FGFRL1: variants seen among roughly 807,000 people sequenced by gnomAD.
FGFRL1 encodes the protein fibroblast growth factor receptor-like 1.
In FGFRL1, 24 loss-of-function variants were observed where a neutral mutation model predicts 36.8. The observed-to-expected ratio is 0.65, with a 90% CI of 0.47 to 0.92. The LOEUF (loss-of-function observed/expected upper bound fraction) is 0.92. Among genes scored for constraint, FGFRL1 ranks in the 40% least tolerant of loss-of-function variants. The pLI is 0.00. For synonymous variants in FGFRL1, 422 were observed against 344.1 expected, an observed-to-expected ratio of 1.23 and a Z score of -2.50; for missense variants, 785 against 753.4, an observed-to-expected ratio of 1.04 and a Z score of -0.49.
In FGFRL1 at chr4:1,025,445, C is replaced by G; in HGVS notation, c.*98C>G. On this transcript the variant is annotated 3_prime_UTR_variant, in exon 7 of 7. Transcript: ENST00000510644. The stretch of plus-strand genomic sequence containing the variant: ...GCAGACGAAGGCAGGGGACCCATGG[C>G]GAGGAGGAATGGCCAGCACCCCAGG... The G allele has an allele frequency of 2.8e-6, 4 of 1,434,072 alleles. No individual in the cohort carries two copies. The highest frequency in any genetic ancestry group is 1.4e-5 in the South Asian group (1 of 71,004). 88.8% of individuals were successfully genotyped at this position (1,434,072 alleles called of 1,614,324 possible).
chr4:1,020,166 G>A (rs750260081), intron 2 of FGFRL1, among the ~76,000 whole-genome samples: 1 of 152,236 alleles, frequency 6.6e-6, no homozygotes, highest in African/African-American at 2.4e-5. Flanking sequence ...TGTTAACTGT[G>A]TATTGGAGGA....
At chr4:1,019,295 G>T (rs191793764) in intron 2 of FGFRL1, among the ~76,000 whole-genome samples, 2 of 152,346 alleles carry the variant, frequency 1.3e-5, no homozygotes, top group African/African-American at 4.8e-5. Flanking sequence ...CCAGGCACTC[G>T]CTCTCTTGCT....
rs115824203 is a variant in FGFRL1, at chr4:1,025,643, G to A, written c.*296G>A. ...ACACAGATAAGCTGCCCAAATGCAC[G>A]CACACGCACAGAGACATGCCAGAAC... On this transcript the variant is annotated 3_prime_UTR_variant, in exon 7 of 7. Coordinates refer to ENST00000510644, the MANE Select transcript of FGFRL1 (RefSeq NM_001004356.3). 1,352 of 510,756 alleles carry A rather than the reference G, an allele frequency of 2.6e-3. 24 individuals carry two copies. Among genetic ancestry groups the A allele is most frequent in the African/African-American group, 0.023 (1,200 of 51,806 alleles). The allele number at this position is 510,756 out of a possible 1,614,324, so 31.6% of individuals were successfully genotyped here.
chr4:1,024,233 T>C, intron 5 of FGFRL1, 78 bp from the exon 6 acceptor site: 1 of 1,330,158 alleles, frequency 7.5e-7, no homozygotes, highest in South Asian at 1.5e-5. Context: ...GGGCTGGGGG[T>C]GCTGGTGGGC....
In FGFRL1 at chr4:1,024,450, C is replaced by A; in HGVS notation, c.858C>A (p.Tyr286Ter). Residue 286 changes from tyrosine (Y) to a stop codon, truncating the protein, a stop_gained, in exon 6 of 7, where the codon TAC becomes TAA. Coordinates refer to ENST00000510644, the MANE Select transcript of FGFRL1 (RefSeq NM_001004356.3). LOFTEE classifies it high-confidence loss of function. ...PVIQWLKRVE[Y>*]GAEGRHNSTI... ...TCCAGTGGCTGAAGCGCGTGGAGTA[C>A]GGCGCCGAGGGCCGCCACAACTCCA... 6.2e-7 allele frequency: 1 copy of A among 1,612,430 alleles called. No individual in the cohort carries two copies. The highest frequency in any genetic ancestry group is 8.5e-7 in the Non-Finnish European group (1 of 1,179,790).
chr4:1,022,594 T>C (rs1716256971), intron 3 of FGFRL1, 119 bp downstream of exon 3: 2 of 1,298,248 alleles, frequency 1.5e-6, no homozygotes, highest in Non-Finnish European at 2.1e-6. Context: ...GCAGAAAGCC[T>C]TCCTTCGGTG....
chr4:1,025,105 G>C lies in FGFRL1; in HGVS notation c.1273G>C (p.Asp425His), dbSNP rs750561767. Residue 425 changes from aspartate to histidine, a missense_variant, in exon 7 of 7, where the codon GAC becomes CAC. Transcript: ENST00000510644. The stretch of plus-strand genomic sequence containing the variant: ...GCACCGCCCGCCGGGGACGGCCCGC[G>C]ACCGCAGCGGAGACAAGGACCTTCC... ...PGHRPPGTARDRSGDKDLPSL... is the reference protein window; with the variant it reads ...PGHRPPGTARHRSGDKDLPSL... The C allele has an allele frequency of 6.2e-6, 10 of 1,610,806 alleles. No homozygotes were observed. The East Asian group carries it at 2.2e-4, about 36-fold the overall frequency.
chr4:1,022,600 C>T (rs1716257354), intron 3 of FGFRL1, 125 bp downstream of exon 3: 21 of 1,235,530 alleles, frequency 1.7e-5, no homozygotes, highest in Middle Eastern at 2.8e-4. Flanking sequence ...AGCCTTCCTT[C>T]GGTGCCCTGC....
intron 2 of FGFRL1, among the ~76,000 whole-genome samples, chr4:1,019,547 C>T (rs1188321547): frequency 2.6e-5 from 4 of 152,158 alleles, no homozygotes; most frequent in African/African-American, 4.8e-5. Context: ...GGACCTGGGC[C>T]GGCTGGGAAG....
rs1216862837 is a variant in FGFRL1 at position 1,026,806 on chromosome 4, C to T, written c.*1459C>T. On this transcript the variant is annotated 3_prime_UTR_variant, in exon 7 of 7. Coordinates refer to ENST00000510644, the MANE Select transcript of FGFRL1 (RefSeq NM_001004356.3). ...ACCCCCCACCCCACTGTCGTGGTGG[C>T]CCCAGATCTCTGTAATTTTATGTAG... The T allele has an allele frequency of 4.4e-6, 2 of 455,180 alleles. No homozygotes were observed. Among genetic ancestry groups the T allele is most frequent in the Non-Finnish European group, 8.8e-6 (2 of 226,384 alleles). The allele number at this position is 455,180 out of a possible 1,614,324, so 28.2% of individuals were successfully genotyped here.
At chr4:1,021,907 C>T (rs983097128) in intron 2 of FGFRL1, among the ~76,000 whole-genome samples, 1 of 152,218 alleles carries the variant, frequency 6.6e-6, no homozygotes, top group Non-Finnish European at 1.5e-5. Flanking sequence ...CTCTGGGGAC[C>T]CTGCTCCCTT....
chr4:1,018,408 C>T (rs1310489344), intron 2 of FGFRL1, among the ~76,000 whole-genome samples: 2 of 152,194 alleles, frequency 1.3e-5, no homozygotes, highest in South Asian at 4.1e-4. Context: ...TGGCGCACTG[C>T]CTCCGAGTCT....
rs1716535834 is a variant in FGFRL1, at chr4:1,026,389, CTT to C, written c.*1044_*1045del. 1 of 154,640 alleles carries C rather than the reference CTT, an allele frequency of 6.5e-6. No homozygotes were observed. The highest frequency in any genetic ancestry group is 2.4e-5 in the African/African-American group (1 of 41,050). 9.6% of individuals were successfully genotyped at this position (154,640 alleles called of 1,614,324 possible). A position where few individuals can be genotyped will look rare whatever the true frequency, so the allele number is the denominator to read the frequency against. On this transcript the variant is annotated 3_prime_UTR_variant, in exon 7 of 7. Transcript: ENST00000510644. Reference sequence around the variant, plus strand: ...CGTGAGGCTCATAGTTGATGAGGGACTTTCCCTGCTCCACCGTCACTCCCCCA... The same window carrying C: ...CGTGAGGCTCATAGTTGATGAGGGACTCCCTGCTCCACCGTCACTCCCCCA...
Position 1,026,816 on chromosome 4 carries a change from C to G in FGFRL1, c.*1469C>G. On this transcript the variant is annotated 3_prime_UTR_variant, in exon 7 of 7. Transcript: ENST00000510644. ...CCACTGTCGTGGTGGCCCCAGATCT[C>G]TGTAATTTTATGTAGAGTTTGAGCT... The G allele has an allele frequency of 2.2e-6, 1 of 455,446 alleles. No individual in the cohort carries two copies. Among genetic ancestry groups the G allele is most frequent in the Non-Finnish European group, 4.4e-6 (1 of 226,408 alleles). The allele number at this position is 455,446 out of a possible 1,614,324, so 28.2% of individuals were successfully genotyped here. A position where few individuals can be genotyped will look rare whatever the true frequency, so the allele number is the denominator to read the frequency against.
intron 2 of FGFRL1, among the ~76,000 whole-genome samples, chr4:1,021,741 C>A (rs1390694756): frequency 6.6e-6 from 1 of 152,106 alleles, no homozygotes; most frequent in Non-Finnish European, 1.5e-5. Flanking sequence ...CTCTTTGGGA[C>A]CCACCAGGCC....
chr4:1,014,327 T>G (rs1373565678), intron 2 of FGFRL1, among the ~76,000 whole-genome samples: 1 of 152,268 alleles, frequency 6.6e-6, no homozygotes, highest in Non-Finnish European at 1.5e-5. Flanking sequence ...CCTTTCCATT[T>G]TATTTCTCAC....
Position 1,025,648 on chromosome 4 carries a change from C to A in FGFRL1, c.*301C>A. The stretch of plus-strand genomic sequence containing the variant: ...GATAAGCTGCCCAAATGCACGCACA[C>A]GCACAGAGACATGCCAGAACATACA... On this transcript the variant is annotated 3_prime_UTR_variant, in exon 7 of 7. Transcript: ENST00000510644. The A allele has an allele frequency of 2.0e-6, 1 of 505,462 alleles. No individual in the cohort carries two copies. Among genetic ancestry groups the A allele is most frequent in the Non-Finnish European group, 3.6e-6 (1 of 281,638 alleles). 31.3% of individuals were successfully genotyped at this position (505,462 alleles called of 1,614,324 possible). A position where few individuals can be genotyped will look rare whatever the true frequency, so the allele number is the denominator to read the frequency against.
chr4:1,012,342 C>A (rs1452605181), intron 1 of FGFRL1, 128 bp from the exon 2 acceptor site: 14 of 1,068,496 alleles, frequency 1.3e-5, no homozygotes, highest in African/African-American at 3.3e-5. Context: ...CGGCTTCCTC[C>A]GCCTGGAGCG....
rs773123389 is a variant in FGFRL1, at chr4:1,023,930, A to T, written c.547A>T (p.Thr183Ser). 2 of 1,585,698 alleles carry T rather than the reference A, an allele frequency of 1.3e-6. No individual in the cohort carries two copies. Among genetic ancestry groups the T allele is most frequent in the Non-Finnish European group, 1.7e-6 (2 of 1,169,904 alleles). ...CAGCGGGCACCCTCGGCCCGACATC[A>T]CGTGGATGAAGGACGACCAGGCCTT... ...VASGHPRPDI[T>S]WMKDDQALTR... Residue 183 changes from threonine (T) to serine (S), a missense_variant, in exon 5 of 7, where the codon ACG becomes TCG. Transcript: ENST00000510644. The surrounding 1 kb of genome is among the most constrained non-coding windows in gnomAD (Gnocchi z 6.0).
Sources: allele counts gnomAD v4.1 joint callset (sites outside exome capture counted in the v4.1 genomes callset), GRCh38; gene constraint gnomAD v4.1.1; non-coding constraint Gnocchi (gnomAD v3.1); transcripts MANE v1.5; gene names NCBI Gene and HGNC (gene_info 2026-07-23, HGNC 2026-07-21).